The following KCNQ3 variants were observed in gnomAD, a reference collection of about 807,000 sequenced individuals.
KCNQ3 encodes the protein potassium voltage-gated channel subfamily Q member 3, also known as potassium voltage-gated channel subfamily KQT member 3.
Under a neutral mutation model 92.5 loss-of-function variants are expected in KCNQ3, and 30 were observed. The ratio of observed to expected loss-of-function variants is 0.32; its 90% CI spans 0.24 to 0.44. The LOEUF (loss-of-function observed/expected upper bound fraction) is 0.44, where lower values mean the gene tolerates loss of function less well. KCNQ3 is among the 20% of genes least tolerant of loss of function. The pLI, the probability that KCNQ3 is intolerant of heterozygous loss-of-function variation, is 1.00. For synonymous variants in KCNQ3, 450 were observed against 468.8 expected (o/e 0.96, Z 0.52); for missense variants, 913 against 1,140.3 (o/e 0.80, Z 2.87).
chr8:132,428,371 C>T (rs1457226563), intron 1 of KCNQ3, among the ~76,000 whole-genome samples: 1 of 152,254 alleles, frequency 6.6e-6, no homozygotes, highest in East Asian at 1.9e-4. Context: ...AGCACACCCT[C>T]TCAACCACTT....
At chr8:132,306,568 AG>A (rs1319907360) in intron 1 of KCNQ3, among the ~76,000 whole-genome samples, 3 of 152,240 alleles carry the variant, frequency 2.0e-5, no homozygotes, top group Non-Finnish European at 4.4e-5. Flanking sequence ...GTGTGTGCAT[AG>A]GTGTAGCACA....
At chr8:132,175,632 G>A in intron 4 of KCNQ3, 24 bp from the exon 5 acceptor site, 1 of 1,612,136 alleles carries the variant, frequency 6.2e-7, no homozygotes, top group Non-Finnish European at 8.5e-7. Context: ...CAGTGGACAT[G>A]AAAAGTGGTC....
At chr8:132,414,792 A>G (rs1173712862) in intron 1 of KCNQ3, among the ~76,000 whole-genome samples, 1 of 152,198 alleles carries the variant, frequency 6.6e-6, no homozygotes, top group Non-Finnish European at 1.5e-5. Flanking sequence ...CGCATGACCC[A>G]CCTCATTTCA....
intron 7 of KCNQ3, 75 bp downstream of exon 7, chr8:132,172,523 A>G: frequency 7.6e-7 from 1 of 1,317,972 alleles, no homozygotes. Context: ...ACACATGCAC[A>G]CATACACACA....
intron 12 of KCNQ3, among the ~76,000 whole-genome samples, chr8:132,134,833 C>G (rs2130932774): frequency 6.6e-6 from 1 of 151,928 alleles, no homozygotes; most frequent in East Asian, 1.9e-4. Context: ...CCAAAAACAT[C>G]TAGTTAGGGA....
chr8:132,241,872 G>C (rs1045136371), intron 1 of KCNQ3, among the ~76,000 whole-genome samples: 1 of 152,098 alleles, frequency 6.6e-6, no homozygotes, highest in Non-Finnish European at 1.5e-5. Context: ...AAAAAACACT[G>C]AGTGGTAGAA....
chr8:132,316,712 T>A (rs551575851), intron 1 of KCNQ3, among the ~76,000 whole-genome samples: 65 of 152,366 alleles, frequency 4.3e-4, no homozygotes, highest in Non-Finnish European at 7.3e-4. Flanking sequence ...TCAGTTCAGT[T>A]CCTTTCACTT....
chr8:132,138,154 G>A, intron 11 of KCNQ3, 138 bp from the exon 12 acceptor site: 1 of 928,890 alleles, frequency 1.1e-6, no homozygotes, highest in South Asian at 1.4e-5. Context: ...TCCAACGTTT[G>A]GTTCTGGTTC....
rs1224196497 is a variant in KCNQ3, at chr8:132,434,225, A to AAAT, written c.386+45919_386+45921dup. ...TCCGTCTCAAAAAAAAAAAAAAAAA[A>AAAT]AATAATAATAATAATAAACAAATAT... On this transcript the variant is annotated intron_variant, in intron 1 of 14. Coordinates refer to ENST00000388996, the MANE Select transcript of KCNQ3 (RefSeq NM_004519.4). Among the ~76,000 whole-genome samples the AAAT allele has an allele frequency of 3.4e-3, 463 of 136,630 alleles. 25 individuals carry two copies. Among genetic ancestry groups the AAAT allele is most frequent in the Middle Eastern group, 0.011 (3 of 262 alleles). 89.6% of individuals were successfully genotyped at this position (136,630 alleles called of 152,430 possible).
At chr8:132,289,013 T>C (rs980827984) in intron 1 of KCNQ3, among the ~76,000 whole-genome samples, 1 of 152,190 alleles carries the variant, frequency 6.6e-6, no homozygotes, top group African/African-American at 2.4e-5. Flanking sequence ...GAACTATGGT[T>C]GGTGTTCAAG....
chr8:132,347,486 T>TA (rs1586946223), intron 1 of KCNQ3, among the ~76,000 whole-genome samples: 1 of 150,902 alleles, frequency 6.6e-6, no homozygotes, highest in African/African-American at 2.4e-5. Flanking sequence ...GGGGAGGGAG[T>TA]AAAAAAGGGT....
intron 1 of KCNQ3, among the ~76,000 whole-genome samples, chr8:132,452,174 A>G (rs985912928): frequency 2.0e-5 from 3 of 152,046 alleles, no homozygotes; most frequent in Non-Finnish European, 4.4e-5. Context: ...TGCAACCATC[A>G]CCTCTATCCA....
intron 1 of KCNQ3, among the ~76,000 whole-genome samples, chr8:132,415,017 G>C (rs1201005461): frequency 6.6e-6 from 1 of 152,218 alleles, no homozygotes; most frequent in African/African-American, 2.4e-5. Context: ...CAGTTATCGT[G>C]TCACTCAGGT....
chr8:132,285,042 G>A (rs1019137582), intron 1 of KCNQ3, among the ~76,000 whole-genome samples: 1 of 152,128 alleles, frequency 6.6e-6, no homozygotes, highest in Non-Finnish European at 1.5e-5. Flanking sequence ...CCTCGTTTCT[G>A]TATAAATTAT....
intron 1 of KCNQ3, among the ~76,000 whole-genome samples, chr8:132,461,209 G>T (rs79110098): frequency 6.6e-6 from 1 of 152,102 alleles, no homozygotes; most frequent in Non-Finnish European, 1.5e-5. Context: ...GTTTTTGTGT[G>T]GATATAAGAT....
intron 1 of KCNQ3, among the ~76,000 whole-genome samples, chr8:132,213,828 T>TCA (rs1813943011): frequency 6.6e-6 from 1 of 152,178 alleles, no homozygotes; most frequent in South Asian, 2.1e-4. Flanking sequence ...ACTGAGCAAA[T>TCA]CAATGCTTCT....
intron 1 of KCNQ3, among the ~76,000 whole-genome samples, chr8:132,296,789 T>C (rs1316885399): frequency 6.6e-6 from 1 of 152,038 alleles, no homozygotes; most frequent in African/African-American, 2.4e-5. Flanking sequence ...CAGTCTATCA[T>C]TGTTGGACAT....
chr8:132,456,804 G>A lies in KCNQ3; in HGVS notation c.386+23343C>T, dbSNP rs112525991. ...TTTTCTTGTATTTTTAATAGAGACG[G>A]GGTTTCATCACATTGCTCAAGCTGG... On this transcript the variant is annotated intron_variant, in intron 1 of 14. Coordinates refer to ENST00000388996, the MANE Select transcript of KCNQ3 (RefSeq NM_004519.4). Among the ~76,000 whole-genome samples the A allele has an allele frequency of 4.9e-3, 750 of 152,060 alleles. 6 individuals are homozygous for A. Among genetic ancestry groups the A allele is most frequent in the Non-Finnish European group, 8.6e-3 (585 of 67,970 alleles).
chr8:132,275,581 CTT>C (rs35090240), intron 1 of KCNQ3, among the ~76,000 whole-genome samples: 296 of 141,426 alleles, frequency 2.1e-3, no homozygotes, highest in African/African-American at 2.9e-3. Flanking sequence ...CCAGTGAAAC[CTT>C]TTTTTTTTTT....
Sources: gnomAD v4.1 joint callset for allele counts (sites outside exome capture counted in the v4.1 genomes callset) on GRCh38, gnomAD v4.1.1 for gene constraint, MANE v1.5 for transcripts, NCBI Gene and HGNC (gene_info 2026-07-23, HGNC 2026-07-21) for gene names.